The following GLIS3 variants were observed in gnomAD, a reference collection of about 807,000 sequenced individuals.
GLIS3 encodes GLIS family zinc finger 3, also known as zinc finger protein GLIS3.
Under a neutral mutation model 78.6 loss-of-function variants are expected in GLIS3, and 53 were observed. The observed-to-expected ratio is 0.67, with a 90% CI of 0.54 to 0.85. The LOEUF (loss-of-function observed/expected upper bound fraction) is 0.85, where lower values mean the gene tolerates loss of function less well. Ranked by LOEUF, GLIS3 falls within the 40% of genes least tolerant of loss-of-function variation. GLIS3 has a pLI of 0.00. For missense variants in GLIS3, 1,703 were observed against 1,231.1 expected (o/e 1.38, Z -5.74); for synonymous variants, 684 against 509.9 (o/e 1.34, Z -4.60).
chr9:4,232,382 T>TAAAAAAAAAAAAAAA, intron 2 of GLIS3, among the ~76,000 whole-genome samples: 1 of 101,666 alleles, frequency 9.8e-6, no homozygotes, highest in Non-Finnish European at 2.0e-5. Flanking sequence ...CCTTGTCTCT[T>TAAAAAAAAAAAAAAA]AAAAAAAAAA....
intron 2 of GLIS3, among the ~76,000 whole-genome samples, chr9:4,256,811 G>A (rs1005648478): frequency 2.6e-5 from 4 of 152,036 alleles, no homozygotes; most frequent in Admixed American, 1.3e-4. Context: ...AAAGTTAAGA[G>A]AACTACCATA....
the GLIS3 span, among the ~76,000 whole-genome samples, chr9:4,378,212 A>G: frequency 6.6e-6 from 1 of 152,192 alleles, no homozygotes; most frequent in Admixed American, 6.6e-5. Context: ...TACTATATAT[A>G]TATATAATTA....
At chr9:3,884,844 A>G (rs1465939193) in intron 7 of GLIS3, among the ~76,000 whole-genome samples, 1 of 152,064 alleles carries the variant, frequency 6.6e-6, no homozygotes, top group African/African-American at 2.4e-5. Context: ...ACCACCCTAT[A>G]TTGCCTCCCA....
chr9:4,166,902 A>C (rs1815894484), intron 2 of GLIS3, among the ~76,000 whole-genome samples: 1 of 152,194 alleles, frequency 6.6e-6, no homozygotes, highest in African/African-American at 2.4e-5. Context: ...AGATGAGAGG[A>C]AGGAAGGGGA....
intron 4 of GLIS3, among the ~76,000 whole-genome samples, chr9:4,052,752 T>C (rs985451589): frequency 6.6e-6 from 1 of 152,240 alleles, no homozygotes; most frequent in Admixed American, 6.5e-5. Context: ...TTTCCATCTT[T>C]TGCCTATTAT....
the GLIS3 span, among the ~76,000 whole-genome samples, chr9:4,467,001 G>C: frequency 2.0e-5 from 3 of 152,246 alleles, no homozygotes; most frequent in Admixed American, 6.5e-5. Context: ...ACCTGGCTCG[G>C]CGGGTCCCAT....
chr9:3,844,201 C>A (rs916698019), intron 9 of GLIS3, among the ~76,000 whole-genome samples: 1 of 152,186 alleles, frequency 6.6e-6, no homozygotes, highest in Non-Finnish European at 1.5e-5. Context: ...AGAGTGGCCT[C>A]GCTACCAGCA....
the GLIS3 span, among the ~76,000 whole-genome samples, chr9:4,407,475 C>T: frequency 6.6e-6 from 1 of 152,154 alleles, no homozygotes; most frequent in Admixed American, 6.5e-5. Flanking sequence ...GAAACCCCGT[C>T]TCTACTAAAA....
intron 4 of GLIS3, among the ~76,000 whole-genome samples, chr9:3,942,910 A>C (rs949972050): frequency 6.6e-6 from 1 of 152,242 alleles, no homozygotes; most frequent in African/African-American, 2.4e-5. Context: ...AGAAAACAAA[A>C]GAAGAAAGGA....
At chr9:3,992,301 G>A (rs546893627) in intron 4 of GLIS3, among the ~76,000 whole-genome samples, 1 of 152,298 alleles carries the variant, frequency 6.6e-6, no homozygotes, top group East Asian at 1.9e-4. Context: ...TATATGAAAT[G>A]TGAAAGAAAA....
At chr9:4,324,529 T>C (rs948707502) in intron 2 of GLIS3, among the ~76,000 whole-genome samples, 3 of 150,466 alleles carry the variant, frequency 2.0e-5, no homozygotes, top group Non-Finnish European at 4.4e-5. Context: ...TTATGGTAGT[T>C]ATTATTATGA....
At chr9:3,963,296 C>T (rs1458287220) in intron 4 of GLIS3, among the ~76,000 whole-genome samples, 7 of 152,106 alleles carry the variant, frequency 4.6e-5, no homozygotes, top group Non-Finnish European at 1.0e-4. Context: ...TTCATTAATT[C>T]GACATGTTCA....
chr9:4,474,048 C>T, the GLIS3 span, among the ~76,000 whole-genome samples: 1 of 152,164 alleles, frequency 6.6e-6, no homozygotes, highest in Non-Finnish European at 1.5e-5. Context: ...ATTCAAGTCA[C>T]TCCCAAACAA....
At chr9:4,246,240 A>T (rs1468506159) in intron 2 of GLIS3, among the ~76,000 whole-genome samples, 1 of 152,206 alleles carries the variant, frequency 6.6e-6, no homozygotes, top group Non-Finnish European at 1.5e-5. Context: ...GTCTCAAAAG[A>T]AACAAATTAA....
intron 2 of GLIS3, among the ~76,000 whole-genome samples, chr9:4,150,363 C>T (rs372347118): frequency 1.3e-5 from 2 of 152,110 alleles, no homozygotes; most frequent in Non-Finnish European, 1.5e-5. Flanking sequence ...AGGAGGAAAA[C>T]GTAAATTTGT....
intron 1 of GLIS3, chr9:4,298,245 CG>C: frequency 3.2e-6 from 1 of 308,264 alleles, no homozygotes. Context: ...CCCCCCACGC[CG>C]GCCCCCCGGT....
chr9:4,314,904 G>A (rs1391149170), intron 2 of GLIS3, among the ~76,000 whole-genome samples: 1 of 152,204 alleles, frequency 6.6e-6, no homozygotes, highest in Non-Finnish European at 1.5e-5. Context: ...TATTCCTTTG[G>A]GATGAATAGT....
chr9:4,213,931 A>C (rs1820590579), intron 2 of GLIS3, among the ~76,000 whole-genome samples: 2 of 150,340 alleles, frequency 1.3e-5, no homozygotes, highest in Non-Finnish European at 1.5e-5. Flanking sequence ...CAGAAGCAAA[A>C]AAAAAAAAAA....
intron 4 of GLIS3, among the ~76,000 whole-genome samples, chr9:3,949,656 A>G (rs941795353): frequency 6.6e-5 from 10 of 152,224 alleles, no homozygotes; most frequent in African/African-American, 2.2e-4. Context: ...GGGAAAAAGA[A>G]AGATGTTTTC....
Sources: allele counts gnomAD v4.1 joint callset (sites outside exome capture counted in the v4.1 genomes callset), GRCh38; gene constraint gnomAD v4.1.1; transcripts MANE v1.5; gene names NCBI Gene and HGNC (gene_info 2026-07-23, HGNC 2026-07-21).